Variants in PRH1 observed in about 807,000 individuals in gnomAD.
The protein encoded by PRH1 is salivary acidic proline-rich phosphoprotein 1/2.
PRH1 carries 7 observed loss-of-function variants against 7.9 expected under a neutral mutation model. The ratio of observed to expected loss-of-function variants is 0.89; its 90% CI spans 0.50 to 1.67. PRH1 has a LOEUF of 1.67. PRH1 is among the 40% of genes most tolerant of loss of function. PRH1 has a pLI of 0.00. For synonymous variants in PRH1, 45 were observed against 80.8 expected, an observed-to-expected ratio of 0.56 and a Z score of 2.38; for missense variants, 109 against 223.6, an observed-to-expected ratio of 0.49 and a Z score of 3.27.
At chr12:10,917,087 A>T in intron 2 of PRH1, among the ~76,000 whole-genome samples, 1 of 152,088 alleles carries the variant, frequency 6.6e-6, no homozygotes, top group East Asian at 1.9e-4. Context: ...TATACATTTA[A>T]ATATATGTAT....
intron 1 of PRH1, among the ~76,000 whole-genome samples, chr12:11,157,440 A>C (rs1156387650): frequency 6.6e-6 from 1 of 152,226 alleles, no homozygotes; most frequent in Non-Finnish European, 1.5e-5. Context: ...TATGATATTG[A>C]AGATGTGAGG....
rs74062442 is a variant in PRH1, at chr12:11,123,643, A to G, written n.40-2463T>C. ...CTCTTGCTCTATTTTCTCTCCTCTA[A>G]TCTTACAGAACTCCAGAAGTATGTT... On this transcript the variant is annotated intron_variant and non_coding_transcript_variant, in intron 1 of 1. Coordinates refer to the PRH1 transcript ENST00000541175. 8.0e-3 allele frequency among the ~76,000 whole-genome samples: 1,217 copies of G among 152,122 alleles called. 19 individuals carry two copies. The highest frequency in any genetic ancestry group is 0.027 in the African/African-American group (1,117 of 41,506).
intron 1 of PRH1, among the ~76,000 whole-genome samples, chr12:11,038,977 A>T (rs1422586582): frequency 6.6e-6 from 1 of 152,236 alleles, no homozygotes; most frequent in Non-Finnish European, 1.5e-5. Flanking sequence ...ATTTCCTTTA[A>T]TCAATCATTA....
In PRH1 at chr12:11,075,142, A is replaced by T. The variant is rs1267437463; in HGVS notation, n.124-27954T>A. Among the ~76,000 whole-genome samples the T allele has an allele frequency of 2.3e-5, 3 of 133,236 alleles. No individual in the cohort carries two copies. The East Asian group carries it at 6.1e-4, about 27-fold the overall frequency. The allele number at this position is 133,236 out of a possible 152,430, so 87.4% of individuals were successfully genotyped here. A position where few individuals can be genotyped will look rare whatever the true frequency, so the allele number is the denominator to read the frequency against. ...GCTAAGATATACATTCAGTTGCATC[A>T]CTTTTCCATGCATTTATAATATGGC... On this transcript the variant is annotated intron_variant and non_coding_transcript_variant, in intron 1 of 4. Transcript: ENST00000541977.
exon 1 of PRH1, chr12:11,047,095 C>A: frequency 2.1e-6 from 1 of 480,372 alleles, no homozygotes; most frequent in South Asian, 1.5e-5. Flanking sequence ...AATGTTCTGT[C>A]ACAGAACTGA....
chr12:11,162,646 T>C (rs1266035648), intron 1 of PRH1, among the ~76,000 whole-genome samples: 1 of 152,158 alleles, frequency 6.6e-6, no homozygotes, highest in Non-Finnish European at 1.5e-5. Context: ...CCAAAATCCT[T>C]GTTCTCCTCT....
At chr12:10,964,640 A>G in intron 2 of PRH1, 1 of 524,028 alleles carries the variant, frequency 1.9e-6, no homozygotes, top group Non-Finnish European at 3.5e-6. Context: ...GTAAACAGCA[A>G]ATAACAAGAG....
chr12:10,888,201 G>GT (rs1254454099), upstream of PRH1, among the ~76,000 whole-genome samples: 1 of 152,032 alleles, frequency 6.6e-6, no homozygotes, highest in Non-Finnish European at 1.5e-5. Flanking sequence ...TGACCTTATG[G>GT]TTACATTGAG....
chr12:11,166,663 C>T (rs1947593659), intron 1 of PRH1, among the ~76,000 whole-genome samples: 1 of 152,200 alleles, frequency 6.6e-6, no homozygotes, highest in Non-Finnish European at 1.5e-5. Flanking sequence ...TCTATTACTC[C>T]ACTTTAAAAC....
At chr12:11,137,113 C>G (rs1419560557) in intron 1 of PRH1, among the ~76,000 whole-genome samples, 2 of 152,050 alleles carry the variant, frequency 1.3e-5, no homozygotes, top group Non-Finnish European at 1.5e-5. Context: ...ACAAACTCAC[C>G]TTATAGGGAA....
At chr12:11,116,156 C>T (rs1038367147), downstream of PRH1, among the ~76,000 whole-genome samples, 13 of 151,618 alleles carry the variant, frequency 8.6e-5, no homozygotes, top group East Asian at 2.5e-3. Context: ...TTCAGGCCGA[C>T]CAAGAAAAAA....
upstream of PRH1, among the ~76,000 whole-genome samples, chr12:10,886,989 A>G (rs1949501633): frequency 6.6e-6 from 1 of 152,230 alleles, no homozygotes; most frequent in South Asian, 2.1e-4. Flanking sequence ...CACAACAATC[A>G]GAGTGATCAT....
chr12:10,883,118 A>C (rs756163560), intron 1 of PRH1, 22 bp from the exon 2 acceptor site: 2 of 1,611,892 alleles, frequency 1.2e-6, no homozygotes, highest in Non-Finnish European at 1.7e-6. Context: ...GTACAGGATG[A>C]TGGGAAAAGT....
At position 10,882,066 on chromosome 12, in the gene PRH1, T is replaced by C. The variant is rs568054656; in HGVS notation, c.*18+151A>G. 8.5e-5 allele frequency among the ~76,000 whole-genome samples: 13 copies of C among 152,366 alleles called. No individual in the cohort carries two copies. The East Asian group carries it at 1.9e-3, about 23-fold the overall frequency. On this transcript the variant is annotated intron_variant, in intron 3 of 3. Transcript: ENST00000543626. The stretch of plus-strand genomic sequence containing the variant: ...AAAACACAGGGTCACAGGGTCTTGA[T>C]ACTCTATACAAGAATATCTGAATAA...
intron 1 of PRH1, among the ~76,000 whole-genome samples, chr12:11,043,241 C>T (rs993096993): frequency 6.6e-6 from 1 of 152,084 alleles, no homozygotes; most frequent in Non-Finnish European, 1.5e-5. Context: ...TGATAAAATT[C>T]AATATTCCTT....
intron 1 of PRH1, among the ~76,000 whole-genome samples, chr12:11,108,348 T>C (rs182436570): frequency 6.6e-6 from 1 of 151,926 alleles, no homozygotes; most frequent in East Asian, 1.9e-4. Flanking sequence ...GATGAAGTAA[T>C]AATGAAAAAA....
chr12:10,891,367 T>A (rs11054063), intron 2 of PRH1: 75,455 of 152,092 alleles, frequency 0.5, 20,962 homozygotes, highest in East Asian at 0.72. Context: ...AGAAGACAGC[T>A]AAATCTAAAA....
chr12:11,062,016 A>G, intron 1 of PRH1: 1 of 1,613,774 alleles, frequency 6.2e-7, no homozygotes, highest in Non-Finnish European at 8.5e-7. Context: ...AGTTGCTGAA[A>G]TGGTTGATTA....
At chr12:10,997,031 C>T in intron 1 of PRH1, 1 of 1,613,968 alleles carries the variant, frequency 6.2e-7, no homozygotes, top group Non-Finnish European at 8.5e-7. Flanking sequence ...CGTCTTGTTC[C>T]CCCAAATCAG....
Sources: gnomAD v4.1 joint callset for allele counts (sites outside exome capture counted in the v4.1 genomes callset) on GRCh38, gnomAD v4.1.1 for gene constraint, MANE v1.5 for transcripts, NCBI Gene and HGNC (gene_info 2026-07-23, HGNC 2026-07-21) for gene names.